MGAT4C: variants seen among roughly 807,000 people sequenced by gnomAD.
MGAT4C encodes the protein alpha-1,3-mannosyl-glycoprotein 4-beta-N-acetylglucosaminyltransferase C.
MGAT4C carries 19 observed loss-of-function variants against 40.1 expected under a neutral mutation model. The observed-to-expected ratio is 0.47, with a 90% CI of 0.33 to 0.70. The LOEUF (loss-of-function observed/expected upper bound fraction) is 0.70. MGAT4C is among the 30% of genes least tolerant of loss of function. The pLI, the probability that MGAT4C is intolerant of heterozygous loss-of-function variation, is 0.02. For missense variants in MGAT4C, 491 were observed against 563.2 expected (o/e 0.87, Z 1.30); for synonymous variants, 181 against 187.1 (o/e 0.97, Z 0.27).
chr12:86,092,031 C>T (rs537490146), intron 1 of MGAT4C, among the ~76,000 whole-genome samples: 17 of 152,180 alleles, frequency 1.1e-4, no homozygotes, highest in African/African-American at 3.9e-4. Context: ...TAGTTTTTCT[C>T]TTGTCACCCT....
intron 3 of MGAT4C, among the ~76,000 whole-genome samples, chr12:86,353,737 G>C (rs1474949995): frequency 1.3e-5 from 2 of 152,162 alleles, no homozygotes; most frequent in Non-Finnish European, 2.9e-5. Flanking sequence ...TCTCATTATA[G>C]AAAGTGGAAA....
At position 86,052,064 on chromosome 12, in the gene MGAT4C, T is replaced by C. The variant is rs147458729; in HGVS notation, c.-56-2341A>G. Among the ~76,000 whole-genome samples the C allele has an allele frequency of 2.0e-5, 3 of 151,916 alleles. 1 individual carries two copies. The highest frequency in any genetic ancestry group is 7.2e-5 in the African/African-American group (3 of 41,546). On this transcript the variant is annotated intron_variant, in intron 1 of 4. Coordinates refer to ENST00000611864, the MANE Select transcript of MGAT4C (RefSeq NM_001351288.2). ...TTCTAATATTCAAATATCTCATAGA[T>C]ACTTAAATATATGTTCCTAAATATA... is the stretch of plus-strand genomic sequence containing the variant.
intron 2 of MGAT4C, among the ~76,000 whole-genome samples, chr12:86,440,354 A>G (rs1461960264): frequency 6.6e-6 from 1 of 152,070 alleles, no homozygotes; most frequent in African/African-American, 2.4e-5. Context: ...GATTCACCAC[A>G]AAAACAGAAT....
intron 1 of MGAT4C, among the ~76,000 whole-genome samples, chr12:86,057,298 T>C (rs1246692610): frequency 6.6e-6 from 1 of 152,112 alleles, no homozygotes; most frequent in Admixed American, 6.6e-5. Context: ...ACCGTTTTGG[T>C]CTTTTCAGTA....
chr12:86,022,350 C>G (rs553341655), intron 2 of MGAT4C: 1 of 152,312 alleles, frequency 6.6e-6, no homozygotes, highest in Non-Finnish European at 1.5e-5. Context: ...TTAGTTCTAT[C>G]TCCACTTACT....
intron 1 of MGAT4C, among the ~76,000 whole-genome samples, chr12:86,817,913 G>T (rs1180173027): frequency 6.6e-6 from 1 of 151,274 alleles, no homozygotes; most frequent in South Asian, 2.1e-4. Context: ...ATTTGAACTG[G>T]TTCCTTCCAG....
At chr12:86,184,408 A>C (rs1888488985) in intron 1 of MGAT4C, among the ~76,000 whole-genome samples, 1 of 151,170 alleles carries the variant, frequency 6.6e-6, no homozygotes, top group Non-Finnish European at 1.5e-5. Context: ...TTTATTTACT[A>C]TGTGCCAGGA....
chr12:86,076,458 T>A (rs1031408960), intron 1 of MGAT4C, among the ~76,000 whole-genome samples: 3 of 152,346 alleles, frequency 2.0e-5, no homozygotes, highest in Non-Finnish European at 4.4e-5. Context: ...GTTTCAGGTA[T>A]CTTTTCAGCA....
chr12:86,711,929 G>C (rs992491125), intron 2 of MGAT4C, among the ~76,000 whole-genome samples: 8 of 152,104 alleles, frequency 5.3e-5, no homozygotes, highest in African/African-American at 1.7e-4. Context: ...TAACTGCACA[G>C]ATCATATGCC....
chr12:86,386,852 G>A (rs1956061722), intron 3 of MGAT4C, among the ~76,000 whole-genome samples: 1 of 151,926 alleles, frequency 6.6e-6, no homozygotes, highest in Non-Finnish European at 1.5e-5. Context: ...TATTTGACTT[G>A]TTAACTACAT....
chr12:86,678,711 A>G (rs1368546252), intron 2 of MGAT4C, among the ~76,000 whole-genome samples: 1 of 151,762 alleles, frequency 6.6e-6, no homozygotes, highest in East Asian at 1.9e-4. Context: ...TAGTTTACTG[A>G]GAATGATGAT....
At chr12:86,611,267 C>A (rs1457892652) in intron 2 of MGAT4C, among the ~76,000 whole-genome samples, 2 of 151,926 alleles carry the variant, frequency 1.3e-5, no homozygotes, top group Non-Finnish European at 1.5e-5. Context: ...ATTTTGTGCA[C>A]CTTCCCTGAA....
chr12:86,200,315 T>C (rs1950003478), intron 1 of MGAT4C, among the ~76,000 whole-genome samples: 1 of 152,110 alleles, frequency 6.6e-6, no homozygotes, highest in Non-Finnish European at 1.5e-5. Flanking sequence ...TTCTAGTCTT[T>C]GACTCTTACC....
chr12:86,278,002 C>T (rs1220156301), intron 4 of MGAT4C, among the ~76,000 whole-genome samples: 1 of 152,004 alleles, frequency 6.6e-6, no homozygotes, highest in Non-Finnish European at 1.5e-5. Context: ...GACATTTTAA[C>T]AATATTCTTA....
intron 1 of MGAT4C, among the ~76,000 whole-genome samples, chr12:86,246,898 C>G (rs1231671923): frequency 6.6e-6 from 1 of 152,112 alleles, no homozygotes; most frequent in African/African-American, 2.4e-5. Flanking sequence ...GTGCAATTTT[C>G]TTTGTTCTAT....
intron 1 of MGAT4C, among the ~76,000 whole-genome samples, chr12:86,739,845 T>G (rs1360307648): frequency 6.6e-6 from 1 of 150,500 alleles, no homozygotes; most frequent in Admixed American, 6.7e-5. Flanking sequence ...TATTTATTTA[T>G]GTATGCACAC....
intron 3 of MGAT4C, among the ~76,000 whole-genome samples, chr12:86,340,858 A>C (rs966446727): frequency 6.6e-6 from 1 of 152,316 alleles, no homozygotes; most frequent in East Asian, 1.9e-4. Flanking sequence ...CTTCACAAGT[A>C]AACTTTTGAG....
chr12:86,611,689 T>C (rs912022756), intron 2 of MGAT4C, among the ~76,000 whole-genome samples: 3 of 152,158 alleles, frequency 2.0e-5, no homozygotes, highest in African/African-American at 4.8e-5. Flanking sequence ...ATATAGAAAA[T>C]TGCTTTGTTT....
At chr12:86,559,668 T>C (rs1157444722) in intron 2 of MGAT4C, among the ~76,000 whole-genome samples, 1 of 151,912 alleles carries the variant, frequency 6.6e-6, no homozygotes, top group Non-Finnish European at 1.5e-5. Context: ...TCAAAGGGAC[T>C]TTTATAAGAA....
Sources: allele counts gnomAD v4.1 joint callset (sites outside exome capture counted in the v4.1 genomes callset), GRCh38; gene constraint gnomAD v4.1.1; transcripts MANE v1.5; gene names NCBI Gene and HGNC (gene_info 2026-07-23, HGNC 2026-07-21).